Variants in JMJD1C observed in about 807,000 individuals in gnomAD.
JMJD1C encodes the protein jumonji domain-containing protein 1C.
In JMJD1C, 31 loss-of-function variants were observed where a neutral mutation model predicts 245.3. The ratio of observed to expected loss-of-function variants is 0.13; its 90% CI spans 0.09 to 0.17. The LOEUF is 0.17. JMJD1C is among the 10% of genes least tolerant of loss of function. The pLI, the probability that JMJD1C is intolerant of heterozygous loss-of-function variation, is 1.00. For synonymous variants in JMJD1C, 1,057 were observed against 1,017.4 expected (o/e 1.04, Z -0.74); for missense variants, 2,691 against 3,000.2 (o/e 0.90, Z 2.41).
At chr10:63,330,919 A>T (rs1942072742) in intron 2 of JMJD1C, among the ~76,000 whole-genome samples, 1 of 152,124 alleles carries the variant, frequency 6.6e-6, no homozygotes, top group African/African-American at 2.4e-5. Flanking sequence ...ATCATCTCAC[A>T]TCTCTGATAT....
chr10:63,433,788 C>T lies in JMJD1C; in HGVS notation c.168+31707G>A, dbSNP rs1045463571. Among the ~76,000 whole-genome samples, 58 of 150,358 alleles carry T rather than the reference C, an allele frequency of 3.9e-4. 3 individuals carry two copies. The highest frequency in any genetic ancestry group is 6.6e-5 in the Admixed American group (1 of 15,128). On this transcript the variant is annotated intron_variant, in intron 1 of 25. Coordinates refer to ENST00000399262, the MANE Select transcript of JMJD1C (RefSeq NM_032776.3). ...TACATATGGGGTCCCACTATGTTAC[C>T]CAGGCTGATCTTGAACTCTTGGCCT...
chr10:63,194,222 T>G (rs1457407554), intron 14 of JMJD1C, 64 bp downstream of exon 14: 1 of 973,398 alleles, frequency 1.0e-6, no homozygotes, highest in African/African-American at 1.6e-5. Flanking sequence ...AGATACTCCT[T>G]TAAGTGTTTC....
Position 63,203,658 on chromosome 10 carries a change from G to A in JMJD1C, c.5074+2937C>T, listed in dbSNP as rs577662366. The A allele has an allele frequency of 4.5e-5, 44 of 980,900 alleles. 2 individuals carry two copies. The South Asian group carries it at 1.5e-3, about 34-fold the overall frequency. 60.8% of individuals were successfully genotyped at this position (980,900 alleles called of 1,614,324 possible). ...ACATAAAAATTAGTGGAGAAAAAGC[G>A]GCTGACTTTTAATTAAGAGAAACAA... On this transcript the variant is annotated intron_variant, in intron 10 of 25. Transcript: ENST00000399262.
At chr10:63,358,086 A>G (rs1392823994) in intron 2 of JMJD1C, among the ~76,000 whole-genome samples, 1 of 152,166 alleles carries the variant, frequency 6.6e-6, no homozygotes, top group Non-Finnish European at 1.5e-5. Context: ...AATAATGAAA[A>G]AGTGAAAATC....
chr10:63,305,611 C>T (rs546609560), intron 2 of JMJD1C, among the ~76,000 whole-genome samples: 2 of 136,798 alleles, frequency 1.5e-5, no homozygotes, highest in Admixed American at 1.5e-4. Context: ...GGACTACGGG[C>T]AAGCACCACC....
At chr10:63,328,274 T>C (rs1941752456) in intron 2 of JMJD1C, among the ~76,000 whole-genome samples, 1 of 141,020 alleles carries the variant, frequency 7.1e-6, no homozygotes, top group African/African-American at 3.0e-5. Context: ...AAACTCCATC[T>C]CAAAGAAAAA....
At chr10:63,176,264 T>C in intron 24 of JMJD1C, 33 bp downstream of exon 24, 5 of 1,507,126 alleles carry the variant, frequency 3.3e-6, no homozygotes, top group East Asian at 2.3e-5. Flanking sequence ...TTTCAGTCAG[T>C]AAAAAATATG....
At chr10:63,441,023 A>T (rs924878125) in intron 1 of JMJD1C, among the ~76,000 whole-genome samples, 1 of 152,322 alleles carries the variant, frequency 6.6e-6, no homozygotes, top group Admixed American at 6.5e-5. Flanking sequence ...AACTTCCTGG[A>T]AGAACTGTGC....
At chr10:63,451,654 T>C (rs543369642) in intron 1 of JMJD1C, among the ~76,000 whole-genome samples, 1 of 152,336 alleles carries the variant, frequency 6.6e-6, no homozygotes, top group Non-Finnish European at 1.5e-5. Context: ...GTATGTAGGT[T>C]ACATGCAAAT....
Position 63,214,069 on chromosome 10 carries a change from T to C in JMJD1C, c.2098A>G (p.Lys700Glu), listed in dbSNP as rs1432407257. 2.5e-6 allele frequency: 4 copies of C among 1,614,118 alleles called. No individual in the cohort carries two copies. The highest frequency in any genetic ancestry group is 2.5e-6 in the Non-Finnish European group (3 of 1,179,946). ...TTTTTATCAATGATAAGAGGACTCTTTGTAGTTTCTAATGTACTGCTTCGA... is the reference window on the plus strand; with the variant it reads ...TTTTTATCAATGATAAGAGGACTCTCTGTAGTTTCTAATGTACTGCTTCGA... Reference protein sequence around the residue: ...PTRSSTLETTKSPLIIDKNEH... With the variant: ...PTRSSTLETTESPLIIDKNEH... Residue 700 changes from lysine (K) to glutamate (E), a missense_variant, in exon 8 of 26, where the codon AAG becomes GAG. Physicochemically the swap from Lys to Glu is moderately conservative, Grantham distance 56. Transcript: ENST00000399262.
chr10:63,229,196 T>G (rs1849670040), intron 3 of JMJD1C, among the ~76,000 whole-genome samples: 1 of 152,136 alleles, frequency 6.6e-6, no homozygotes, highest in Non-Finnish European at 1.5e-5. Flanking sequence ...TATTAAAAGA[T>G]TTCACATAAT....
chr10:63,197,087 G>A (rs1845544794), intron 13 of JMJD1C, among the ~76,000 whole-genome samples: 1 of 151,998 alleles, frequency 6.6e-6, no homozygotes, highest in African/African-American at 2.4e-5. Flanking sequence ...GAGATTACAG[G>A]CATGAGCCAC....
At chr10:63,398,588 T>G (rs1948653011) in intron 1 of JMJD1C, among the ~76,000 whole-genome samples, 1 of 152,112 alleles carries the variant, frequency 6.6e-6, no homozygotes, top group African/African-American at 2.4e-5. Flanking sequence ...TTCACTGAGA[T>G]TTGCAAATAA....
intron 2 of JMJD1C, among the ~76,000 whole-genome samples, chr10:63,369,109 TTTCC>T (rs928618508): frequency 6.6e-6 from 1 of 152,006 alleles, no homozygotes; most frequent in African/African-American, 2.4e-5. Flanking sequence ...TCTTTTCTTC[TTTCC>T]TTCCTTCCTT....
chr10:63,516,886 T>A (rs1955032882), intron 1 of JMJD1C, among the ~76,000 whole-genome samples: 1 of 152,186 alleles, frequency 6.6e-6, no homozygotes, highest in Non-Finnish European at 1.5e-5. Context: ...TATCATTCAA[T>A]CTCTGAAGCC....
At chr10:63,416,600 G>T (rs1454344132) in intron 1 of JMJD1C, among the ~76,000 whole-genome samples, 4 of 152,082 alleles carry the variant, frequency 2.6e-5, no homozygotes, top group African/African-American at 9.7e-5. Context: ...ATCTGCTAAA[G>T]GTCAGATTTC....
chr10:63,311,420 T>C (rs920099136), intron 2 of JMJD1C, among the ~76,000 whole-genome samples: 1 of 151,956 alleles, frequency 6.6e-6, no homozygotes, highest in Non-Finnish European at 1.5e-5. Flanking sequence ...GTAACTCCAC[T>C]TTCCAAAATA....
intron 2 of JMJD1C, among the ~76,000 whole-genome samples, chr10:63,299,786 C>A (rs1859872088): frequency 6.6e-6 from 1 of 151,954 alleles, no homozygotes; most frequent in African/African-American, 2.4e-5. Context: ...TCCTTGTGTT[C>A]AAATTCATCT....
intron 1 of JMJD1C, among the ~76,000 whole-genome samples, chr10:63,421,584 A>G (rs1045673619): frequency 1.1e-4 from 16 of 152,196 alleles, no homozygotes; most frequent in African/African-American, 3.4e-4. Flanking sequence ...ATTATTTTGA[A>G]CTGCTGTGCT....
Sources: gnomAD v4.1 joint callset for allele counts (sites outside exome capture counted in the v4.1 genomes callset) on GRCh38, gnomAD v4.1.1 for gene constraint, MANE v1.5 for transcripts, NCBI Gene and HGNC (gene_info 2026-07-23, HGNC 2026-07-21) for gene names.